Variants in C10orf67 observed in about 807,000 individuals in gnomAD.
The protein encoded by C10orf67 is chromosome 10 open reading frame 67.
C10orf67 carries 60 observed loss-of-function variants against 35.6 expected under a neutral mutation model. The observed-to-expected ratio is 1.68, with a 90% CI of 1.37 to 2.09. The LOEUF (loss-of-function observed/expected upper bound fraction) is 2.09. C10orf67 is among the 30% of genes most tolerant of loss of function. The pLI is 0.00. For missense variants in C10orf67, 474 were observed against 330.2 expected, an observed-to-expected ratio of 1.44 and a Z score of -3.38; for synonymous variants, 167 against 115.8, an observed-to-expected ratio of 1.44 and a Z score of -2.84.
chr10:23,308,161 C>A (rs1461619568), intron 4 of C10orf67, among the ~76,000 whole-genome samples: 1 of 152,180 alleles, frequency 6.6e-6, no homozygotes, highest in South Asian at 2.1e-4. Context: ...TAAGCCCCTT[C>A]TTCTCTTTCA....
At chr10:23,288,912 T>C (rs1434215055) in intron 7 of C10orf67, among the ~76,000 whole-genome samples, 1 of 152,220 alleles carries the variant, frequency 6.6e-6, no homozygotes, top group Non-Finnish European at 1.5e-5. Context: ...TGGAGTATTT[T>C]TCAGTGCCTC....
chr10:23,240,632 C>A (rs1588606992), intron 12 of C10orf67, among the ~76,000 whole-genome samples: 1 of 152,218 alleles, frequency 6.6e-6, no homozygotes, highest in South Asian at 2.1e-4. Context: ...GGAAGACGTA[C>A]TCTGTAGAGA....
chr10:23,248,004 A>G (rs1413348850), intron 12 of C10orf67, among the ~76,000 whole-genome samples: 3 of 152,214 alleles, frequency 2.0e-5, no homozygotes, highest in Admixed American at 6.5e-5. Flanking sequence ...TGCATGCCCT[A>G]TCTAGATTTC....
At chr10:23,314,098 C>T (rs1308728452) in intron 4 of C10orf67, among the ~76,000 whole-genome samples, 3 of 151,836 alleles carry the variant, frequency 2.0e-5, no homozygotes, top group South Asian at 2.1e-4. Context: ...TGAGATGGGA[C>T]GGTTGCTTGA....
chr10:23,320,709 C>G, intron 4 of C10orf67, 32 bp downstream of exon 4: 1 of 1,535,612 alleles, frequency 6.5e-7, no homozygotes, highest in Non-Finnish European at 8.9e-7. Context: ...CTAGCCTTGC[C>G]CACAACTACG....
chr10:23,224,747 C>A (rs897610528), intron 13 of C10orf67, among the ~76,000 whole-genome samples: 2 of 152,062 alleles, frequency 1.3e-5, no homozygotes, highest in African/African-American at 4.8e-5. Context: ...GCTTTAGTAG[C>A]CGATTCGATC....
At chr10:23,209,575 AAAG>A (rs1588572552) in intron 15 of C10orf67, among the ~76,000 whole-genome samples, 3 of 152,350 alleles carry the variant, frequency 2.0e-5, no homozygotes, top group South Asian at 2.1e-4. Flanking sequence ...GAGAAGGATG[AAAG>A]AAGAAGAGAC....
intron 4 of C10orf67, among the ~76,000 whole-genome samples, chr10:23,308,381 TCTC>T (rs774622928): frequency 2.0e-5 from 3 of 152,068 alleles, no homozygotes; most frequent in Non-Finnish European, 4.4e-5. Flanking sequence ...GCTCTCCCCA[TCTC>T]CTCCTACGGG....
In C10orf67 at chr10:23,251,564, G is replaced by A. The variant is rs181683869; in HGVS notation, c.1201-873C>T. On this transcript the variant is annotated intron_variant, in intron 10 of 15. Coordinates refer to ENST00000636213, the MANE Select transcript of C10orf67 (RefSeq NM_001371909.1). ...ATGAATGAGAGAGACTTCCGTGGAT[G>A]TGGCAGAGATGTGCTACAGAATAAT... Among the ~76,000 whole-genome samples the A allele has an allele frequency of 3.1e-4, 47 of 152,336 alleles. 1 individual carries two copies. Among genetic ancestry groups the A allele is most frequent in the Admixed American group, 2.1e-3 (32 of 15,302 alleles).
intron 15 of C10orf67, among the ~76,000 whole-genome samples, chr10:23,219,454 C>G (rs949547690): frequency 6.6e-6 from 1 of 152,220 alleles, no homozygotes; most frequent in Non-Finnish European, 1.5e-5. Flanking sequence ...TGGCAGTGCA[C>G]AGTACACAAT....
chr10:23,311,818 C>T (rs1371619735), intron 4 of C10orf67, among the ~76,000 whole-genome samples: 1 of 152,096 alleles, frequency 6.6e-6, no homozygotes, highest in Non-Finnish European at 1.5e-5. Context: ...GTCTCATTAA[C>T]TTTCTAAAAT....
intron 5 of C10orf67, 65 bp downstream of exon 5, chr10:23,303,239 C>G (rs1461315797): frequency 2.3e-6 from 1 of 436,864 alleles, no homozygotes; most frequent in Admixed American, 4.5e-5. Context: ...TTAACTCAAG[C>G]TTTTAACTAT....
intron 10 of C10orf67, among the ~76,000 whole-genome samples, chr10:23,254,201 T>C (rs1228799567): frequency 2.0e-5 from 3 of 152,222 alleles, no homozygotes; most frequent in Admixed American, 2.0e-4. Flanking sequence ...CATACTGTAA[T>C]TTAACAAAAT....
At chr10:23,206,842 A>G (rs1212448738) in intron 15 of C10orf67, among the ~76,000 whole-genome samples, 2 of 152,220 alleles carry the variant, frequency 1.3e-5, no homozygotes, top group Non-Finnish European at 2.9e-5. Flanking sequence ...ATAATTTATT[A>G]TTAGAGTTTC....
chr10:23,311,699 GA>G lies in C10orf67; in HGVS notation c.547-8241del, dbSNP rs539794853. ...GCACTCCAGCCTGGGCAACAAGAGC[GA>G]AACTCCATCTCAAAGAAAAAAAAAA... is the stretch of plus-strand genomic sequence containing the variant. On this transcript the variant is annotated intron_variant, in intron 4 of 15. Coordinates refer to ENST00000636213, the MANE Select transcript of C10orf67 (RefSeq NM_001371909.1). Among the ~76,000 whole-genome samples the G allele has an allele frequency of 5.9e-3, 781 of 132,872 alleles. 3 individuals carry two copies. The highest frequency in any genetic ancestry group is 0.021 in the African/African-American group (734 of 34,486). The allele number at this position is 132,872 out of a possible 152,430, so 87.2% of individuals were successfully genotyped here. A position where few individuals can be genotyped will look rare whatever the true frequency, so the allele number is the denominator to read the frequency against.
At chr10:23,334,195 T>C (rs1164863047) in intron 1 of C10orf67, among the ~76,000 whole-genome samples, 1 of 152,214 alleles carries the variant, frequency 6.6e-6, no homozygotes, top group African/African-American at 2.4e-5. Context: ...TTCTTTAAGA[T>C]GATCATACCA....
intron 7 of C10orf67, among the ~76,000 whole-genome samples, chr10:23,285,342 C>A (rs1268636452): frequency 6.7e-6 from 1 of 149,286 alleles, no homozygotes; most frequent in Non-Finnish European, 1.5e-5. Context: ...GATTAGGACT[C>A]TGCTATACTA....
intron 8 of C10orf67, among the ~76,000 whole-genome samples, chr10:23,274,524 G>A (rs551907143): frequency 1.8e-4 from 28 of 152,142 alleles, no homozygotes; most frequent in African/African-American, 4.3e-4. Context: ...CTACTCACAC[G>A]TCTGTTTATA....
chr10:23,233,762 A>G (rs1841971200), intron 13 of C10orf67, among the ~76,000 whole-genome samples: 1 of 152,212 alleles, frequency 6.6e-6, no homozygotes, highest in Non-Finnish European at 1.5e-5. Context: ...CTTGTCTTGC[A>G]GAATGTTTTA....
Sources: allele counts gnomAD v4.1 joint callset (sites outside exome capture counted in the v4.1 genomes callset), GRCh38; gene constraint gnomAD v4.1.1; transcripts MANE v1.5; gene names NCBI Gene and HGNC (gene_info 2026-07-23, HGNC 2026-07-21).